The following BICD1 variants were observed in gnomAD, a reference collection of about 807,000 sequenced individuals.
BICD1 encodes BICD cargo adaptor 1, also known as protein bicaudal D homolog 1.
BICD1 carries 35 observed loss-of-function variants against 92.5 expected under a neutral mutation model. The observed-to-expected ratio is 0.38, with a 90% CI of 0.29 to 0.50. BICD1 has a LOEUF of 0.50. Ranked by LOEUF, BICD1 falls within the 20% of genes least tolerant of loss-of-function variation. BICD1 has a pLI of 0.93. For synonymous variants in BICD1, 429 were observed against 465.1 expected (o/e 0.92, Z 1.00); for missense variants, 950 against 1,189.8 (o/e 0.80, Z 2.97).
chr12:32,285,780 C>T (rs1947547281), intron 2 of BICD1, among the ~76,000 whole-genome samples: 1 of 152,046 alleles, frequency 6.6e-6, no homozygotes, highest in African/African-American at 2.4e-5. Context: ...CATTATTTTT[C>T]TTACTCTGGT....
At chr12:32,333,048 T>C in intron 5 of BICD1, 2 of 985,334 alleles carry the variant, frequency 2.0e-6, no homozygotes, top group Non-Finnish European at 2.4e-6. Context: ...CAATAAATGA[T>C]TTTGTATTTC....
intron 2 of BICD1, among the ~76,000 whole-genome samples, chr12:32,289,062 G>A (rs1947656227): frequency 6.6e-6 from 1 of 152,148 alleles, no homozygotes; most frequent in African/African-American, 2.4e-5. Context: ...GAAGCCTCAA[G>A]GCAGAAGCAA....
At chr12:32,116,468 C>G (rs149486579) in intron 1 of BICD1, among the ~76,000 whole-genome samples, 1,919 of 98,342 alleles carry the variant, frequency 0.02, 18 homozygotes, top group Middle Eastern at 0.062. Flanking sequence ...GTCTGTCTCT[C>G]TCTCTCTCTC....
At chr12:32,305,652 T>G (rs767829336) in intron 3 of BICD1, 45 bp from the exon 4 acceptor site, 1 of 1,529,350 alleles carries the variant, frequency 6.5e-7, no homozygotes, top group East Asian at 2.3e-5. Flanking sequence ...TTTTGTAAGA[T>G]CCACATTTTA....
intron 2 of BICD1, among the ~76,000 whole-genome samples, chr12:32,264,145 T>C (rs959686857): frequency 3.3e-5 from 5 of 152,222 alleles, no homozygotes; most frequent in African/African-American, 1.2e-4. Context: ...TTAATACCTA[T>C]CTCACAATGC....
At chr12:32,157,756 T>G (rs1300039509) in intron 1 of BICD1, among the ~76,000 whole-genome samples, 1 of 152,198 alleles carries the variant, frequency 6.6e-6, no homozygotes, top group East Asian at 1.9e-4. Flanking sequence ...GAATTTTACC[T>G]TAGAGATTTT....
rs188241783 is a variant in BICD1 at position 32,313,289 on chromosome 12, T to C, written c.1005+7167T>C. On this transcript the variant is annotated intron_variant, in intron 4 of 9. Transcript: ENST00000652176. The surrounding 1 kb of genome is among the most constrained non-coding windows in gnomAD (Gnocchi z 4.2). ...TTAAAGGCAATTTTAGTTTTTTCTA[T>C]AATGATTGATGTTAAGTGGTGATGG... Among the ~76,000 whole-genome samples the C allele has an allele frequency of 1.1e-3, 162 of 152,354 alleles. 1 individual carries two copies. Among genetic ancestry groups the C allele is most frequent in the African/African-American group, 3.7e-3 (154 of 41,592 alleles).
At chr12:32,107,660 A>G in intron 1 of BICD1, 116 bp downstream of exon 1, 2 of 1,133,570 alleles carry the variant, frequency 1.8e-6, no homozygotes, top group Non-Finnish European at 2.6e-6. Flanking sequence ...TTTTTCTTCT[A>G]GGGCCCTTTG....
At chr12:32,111,490 C>G (rs917189836) in intron 1 of BICD1, among the ~76,000 whole-genome samples, 6 of 152,250 alleles carry the variant, frequency 3.9e-5, no homozygotes, top group Admixed American at 6.5e-5. Flanking sequence ...AATCATATGG[C>G]AAGAAAAACC....
intron 2 of BICD1, among the ~76,000 whole-genome samples, chr12:32,250,219 T>C (rs1394690415): frequency 1.3e-5 from 2 of 152,194 alleles, no homozygotes. Context: ...AGTTACACTG[T>C]TTCCGTTCCA....
In BICD1 at chr12:32,313,224, G is replaced by A. The variant is rs1465419743; in HGVS notation, c.1005+7102G>A. On this transcript the variant is annotated intron_variant, in intron 4 of 9. Coordinates refer to ENST00000652176, the MANE Select transcript of BICD1 (RefSeq NM_001714.4). The surrounding 1 kb of genome is among the most constrained non-coding windows in gnomAD (Gnocchi z 4.2). ...TATATTCTGTTGCATCCTCATGGATGTGGAAGAAATATATTCATATTATGT... is the reference window on the plus strand; with the variant it reads ...TATATTCTGTTGCATCCTCATGGATATGGAAGAAATATATTCATATTATGT... Among the ~76,000 whole-genome samples the A allele has an allele frequency of 6.6e-6, 1 of 152,084 alleles. No homozygotes were observed. The highest frequency in any genetic ancestry group is 2.4e-5 in the African/African-American group (1 of 41,414).
chr12:32,149,373 A>G (rs1027098189), intron 1 of BICD1, among the ~76,000 whole-genome samples: 11 of 152,262 alleles, frequency 7.2e-5, no homozygotes, highest in African/African-American at 2.7e-4. Context: ...TAAGTTATTA[A>G]TATACAAGTT....
intron 8 of BICD1, among the ~76,000 whole-genome samples, chr12:32,360,482 A>G (rs2136320211): frequency 6.6e-6 from 1 of 152,368 alleles, no homozygotes; most frequent in Non-Finnish European, 1.5e-5. Context: ...TGGATGAATT[A>G]CAAATGCTCT....
At chr12:32,370,295 A>G (rs1440865826) in intron 9 of BICD1, among the ~76,000 whole-genome samples, 5 of 151,838 alleles carry the variant, frequency 3.3e-5, no homozygotes, top group Non-Finnish European at 2.9e-5. Flanking sequence ...TGAACCTGGG[A>G]GGCGGAGGTT....
intron 8 of BICD1, among the ~76,000 whole-genome samples, chr12:32,342,365 C>T (rs568845075): frequency 7.3e-5 from 11 of 151,170 alleles, no homozygotes; most frequent in Non-Finnish European, 1.3e-4. Flanking sequence ...TGTCATTCTC[C>T]TGCCTCAGCC....
intron 3 of BICD1, 66 bp from the exon 4 acceptor site, chr12:32,305,631 T>A: frequency 6.9e-7 from 1 of 1,459,412 alleles, no homozygotes; most frequent in Non-Finnish European, 9.2e-7. Flanking sequence ...CACTAGAGTG[T>A]TTAATGGCAG....
chr12:32,330,994 C>T (rs1057057658), intron 5 of BICD1, among the ~76,000 whole-genome samples: 9 of 152,092 alleles, frequency 5.9e-5, no homozygotes, highest in African/African-American at 1.2e-4. Context: ...ATTAACCAGG[C>T]GTGGTGGCGG....
intron 1 of BICD1, among the ~76,000 whole-genome samples, chr12:32,177,682 A>ATTCTT (rs766041969): frequency 2.3e-5 from 1 of 43,038 alleles, no homozygotes; most frequent in Non-Finnish European, 4.3e-5. Flanking sequence ...AAGAAAACAC[A>ATTCTT]TTATTAAAGT....
chr12:32,221,626 A>G (rs984395922), intron 2 of BICD1, among the ~76,000 whole-genome samples: 1 of 151,962 alleles, frequency 6.6e-6, no homozygotes, highest in African/African-American at 2.4e-5. Flanking sequence ...GGTTGCAGTG[A>G]GCCAAGATTG....
Sources: allele counts gnomAD v4.1 joint callset (sites outside exome capture counted in the v4.1 genomes callset), GRCh38; gene constraint gnomAD v4.1.1; non-coding constraint Gnocchi (gnomAD v3.1); transcripts MANE v1.5; gene names NCBI Gene and HGNC (gene_info 2026-07-23, HGNC 2026-07-21).